KLHL29: variants seen among roughly 807,000 people sequenced by gnomAD.
KLHL29 encodes the protein kelch like family member 29.
A neutral mutation model predicts 80.4 loss-of-function variants in KLHL29; 21 were observed. The observed-to-expected ratio is 0.26, with a 90% confidence interval of 0.19 to 0.38. The LOEUF (loss-of-function observed/expected upper bound fraction) is 0.38. Among genes scored for constraint, KLHL29 ranks in the 10% least tolerant of loss-of-function variants. The pLI is 1.00. For missense variants in KLHL29, 867 were observed against 1,223.9 expected (o/e 0.71, Z 4.35); for synonymous variants, 511 against 526.8 (o/e 0.97, Z 0.41).
chr2:23,390,521 T>C (rs1666291491), intron 1 of KLHL29, among the ~76,000 whole-genome samples: 1 of 152,146 alleles, frequency 6.6e-6, no homozygotes, highest in Non-Finnish European at 1.5e-5. Flanking sequence ...TATGTGTATA[T>C]ATATATTTGT....
chr2:23,466,974 G>C (rs115220527), intron 1 of KLHL29, among the ~76,000 whole-genome samples: 1,682 of 152,236 alleles, frequency 0.011, 39 homozygotes, highest in African/African-American at 0.039. Flanking sequence ...CAGAGAGTTA[G>C]GAAGCCCCGG....
Position 23,386,001 on chromosome 2 carries a change from A to C in KLHL29, c.-154+221A>C, listed in dbSNP as rs964122711. On this transcript the variant is annotated intron_variant, in intron 1 of 13. Coordinates refer to ENST00000486442, the MANE Select transcript of KLHL29 (RefSeq NM_052920.2). ...CCTGCGCTGCTCCAGGGGGAAAAAA[A>C]GGGGGGGAAAAAACTTCCTGCCCCC... 6.7e-5 allele frequency among the ~76,000 whole-genome samples: 10 copies of C among 150,298 alleles called. No individual in the cohort carries two copies. In the East Asian group the frequency reaches 1.9e-3, roughly 29 times the overall value.
intron 7 of KLHL29, among the ~76,000 whole-genome samples, chr2:23,692,323 T>C (rs1386964421): frequency 9.9e-5 from 15 of 152,210 alleles, no homozygotes; most frequent in Non-Finnish European, 1.6e-4. Context: ...GAACTGTCCC[T>C]TGAGTACCCA....
Position 23,435,545 on chromosome 2 carries a change from G to T in KLHL29, c.-153-40015G>T, listed in dbSNP as rs1315054685. ...ATGGTTTGGGTGACATGATGAAGGG[G>T]AAGTCAAATTCAGCTCCCAAGTTTG... On this transcript the variant is annotated intron_variant, in intron 1 of 13. Coordinates refer to ENST00000486442, the MANE Select transcript of KLHL29 (RefSeq NM_052920.2). 1.3e-5 allele frequency among the ~76,000 whole-genome samples: 2 copies of T among 152,298 alleles called. 1 individual carries two copies. The highest frequency in any genetic ancestry group is 4.1e-4 in the South Asian group (2 of 4,820).
intron 1 of KLHL29, among the ~76,000 whole-genome samples, chr2:23,437,430 C>A (rs751237036): frequency 6.6e-6 from 1 of 152,114 alleles, no homozygotes; most frequent in Non-Finnish European, 1.5e-5. Context: ...AAGGCATTTT[C>A]TTTTACGTAG....
In KLHL29 at chr2:23,680,856, G is replaced by A. The variant is rs1407595182; in HGVS notation, c.941-3543G>A. The stretch of plus-strand genomic sequence containing the variant: ...CTTCTCCCGCAGAATCCTGGAGCAG[G>A]ATAGTGCAGGGTGCCAGGTGCTTCT... On this transcript the variant is annotated intron_variant, in intron 5 of 13. Transcript: ENST00000486442. The surrounding 1 kb of genome is among the most constrained non-coding windows in gnomAD (Gnocchi z 4.1). Among the ~76,000 whole-genome samples, 3 of 152,108 alleles carry A rather than the reference G, an allele frequency of 2.0e-5. No homozygotes were observed. Among genetic ancestry groups the A allele is most frequent in the Admixed American group, 2.0e-4 (3 of 15,276 alleles).
intron 1 of KLHL29, among the ~76,000 whole-genome samples, chr2:23,443,390 G>A (rs905138579): frequency 3.9e-5 from 6 of 152,086 alleles, no homozygotes; most frequent in African/African-American, 1.2e-4. Flanking sequence ...CAAATTTCCC[G>A]AGTGGCCAAA....
At position 23,460,982 on chromosome 2, in the gene KLHL29, TTGTGTC is replaced by T. The variant is rs968592969; in HGVS notation, c.-153-14575_-153-14570del. Among the ~76,000 whole-genome samples, 187 of 152,316 alleles carry T rather than the reference TTGTGTC, an allele frequency of 1.2e-3. 2 individuals are homozygous for T. Among genetic ancestry groups the T allele is most frequent in the Non-Finnish European group, 4.4e-5 (3 of 68,016 alleles). On this transcript the variant is annotated intron_variant, in intron 1 of 13. Transcript: ENST00000486442. ...GATATCATACCAAGTATCTTGGATT[TTGTGTC>T]TGCGCTGAGAGGCCACTAAAGGATT... is the stretch of plus-strand genomic sequence containing the variant.
chr2:23,512,305 C>G (rs932497765), intron 2 of KLHL29, among the ~76,000 whole-genome samples: 1 of 152,078 alleles, frequency 6.6e-6, no homozygotes, highest in African/African-American at 2.4e-5. Flanking sequence ...ATTAGCTGGG[C>G]ATGGTGGCAT....
intron 11 of KLHL29, among the ~76,000 whole-genome samples, chr2:23,698,535 T>C (rs760241802): frequency 2.3e-4 from 35 of 150,854 alleles, no homozygotes; most frequent in Non-Finnish European, 4.6e-4. Context: ...ATGGCTATTA[T>C]ATTGATAATG....
rs1352348016 is a variant in KLHL29, at chr2:23,680,464, G to A, written c.941-3935G>A. Among the ~76,000 whole-genome samples, 3 of 152,296 alleles carry A rather than the reference G, an allele frequency of 2.0e-5. No homozygotes were observed. The highest frequency in any genetic ancestry group is 3.4e-3 in the Middle Eastern group (1 of 294). ...GGTGTGCAGTCCCACAGACGTAGGC[G>A]GGCATCCCGCTCAAAGCCGAGGAGA... On this transcript the variant is annotated intron_variant, in intron 5 of 13. Coordinates refer to ENST00000486442, the MANE Select transcript of KLHL29 (RefSeq NM_052920.2). This position sits in a 1 kb window ranked among gnomAD's most constrained non-coding sequence, Gnocchi z 4.1.
intron 2 of KLHL29, among the ~76,000 whole-genome samples, chr2:23,482,034 G>A (rs896050643): frequency 1.3e-5 from 2 of 152,210 alleles, no homozygotes; most frequent in African/African-American, 4.8e-5. Flanking sequence ...GGAAGGCCAT[G>A]CCCCCCTTTT....
chr2:23,679,464 C>T (rs991179007), intron 5 of KLHL29, among the ~76,000 whole-genome samples: 1 of 152,144 alleles, frequency 6.6e-6, no homozygotes, highest in African/African-American at 2.4e-5. Context: ...TTCTTAAGGC[C>T]GTGACTCACA....
At chr2:23,550,871 A>G (rs150973035) in intron 2 of KLHL29, among the ~76,000 whole-genome samples, 342 of 152,348 alleles carry the variant, frequency 2.2e-3, no homozygotes, top group African/African-American at 7.8e-3. Context: ...TCAATTCTGC[A>G]AGATCTAGAA....
intron 4 of KLHL29, among the ~76,000 whole-genome samples, chr2:23,639,653 G>T (rs1267298536): frequency 1.5e-5 from 2 of 137,656 alleles, no homozygotes; most frequent in African/African-American, 5.3e-5. Context: ...ATGACAACTG[G>T]GGTGTTCTAC....
intron 1 of KLHL29, among the ~76,000 whole-genome samples, chr2:23,434,820 C>A (rs1254029519): frequency 1.3e-5 from 2 of 152,154 alleles, no homozygotes; most frequent in African/African-American, 4.8e-5. Context: ...GTCAGTCCAG[C>A]TGTGAGCTGA....
intron 1 of KLHL29, among the ~76,000 whole-genome samples, chr2:23,434,513 G>A (rs868604893): frequency 6.6e-6 from 1 of 152,122 alleles, no homozygotes. Flanking sequence ...GAGGCAGTCA[G>A]TCAATTACAG....
At chr2:23,454,519 G>A (rs910754418) in intron 1 of KLHL29, among the ~76,000 whole-genome samples, 3 of 152,102 alleles carry the variant, frequency 2.0e-5, no homozygotes, top group Non-Finnish European at 2.9e-5. Context: ...TAGTCTTGAT[G>A]TTTTTGTATA....
At chr2:23,431,513 C>A (rs1014705292) in intron 1 of KLHL29, among the ~76,000 whole-genome samples, 2 of 152,238 alleles carry the variant, frequency 1.3e-5, no homozygotes, top group African/African-American at 2.4e-5. Flanking sequence ...GCTCCTCCGC[C>A]GGCAGCCGCC....
Sources: gnomAD v4.1 joint callset for allele counts (sites outside exome capture counted in the v4.1 genomes callset) on GRCh38, gnomAD v4.1.1 for gene constraint, Gnocchi (gnomAD v3.1) non-coding constraint, MANE v1.5 for transcripts, NCBI Gene and HGNC (gene_info 2026-07-23, HGNC 2026-07-21) for gene names.